Variants in FRMPD4 observed in about 807,000 individuals in gnomAD.
FRMPD4 encodes FERM and PDZ domain-containing protein 4.
A neutral mutation model predicts 94.1 loss-of-function variants in FRMPD4; 22 were observed. The observed-to-expected ratio is 0.23, with a 90% CI of 0.17 to 0.33. The LOEUF is 0.33. FRMPD4 is among the 10% of genes least tolerant of loss of function. FRMPD4 has a pLI of 1.00. For missense variants in FRMPD4, 1,111 were observed against 1,339.9 expected, an observed-to-expected ratio of 0.83 and a Z score of 2.67; for synonymous variants, 631 against 548.6, an observed-to-expected ratio of 1.15 and a Z score of -2.10.
At chrX:12,681,944 C>G (rs2059977202) in intron 5 of FRMPD4, among the ~76,000 whole-genome samples, 1 of 111,452 alleles carries the variant, frequency 9.0e-6, no homozygotes, top group South Asian at 3.8e-4. Context: ...TTAAGCATCA[C>G]TCCTCATTCC....
chrX:11,875,776 C>T (rs2053779601), intron 2 of FRMPD4, among the ~76,000 whole-genome samples: 1 of 110,964 alleles, frequency 9.0e-6, no homozygotes, highest in Non-Finnish European at 1.9e-5. Context: ...CAGTCACTGA[C>T]CCCCCTACAC....
Position 12,724,238 on chromosome X carries a change from C to A in FRMPD4, c.*2380C>A, listed in dbSNP as rs1338706970. 1 of 111,426 alleles carries A rather than the reference C, an allele frequency of 9.0e-6. No individual in the cohort carries two copies. The highest frequency in any genetic ancestry group is 1.9e-5 in the Non-Finnish European group (1 of 53,073). 9.2% of individuals were successfully genotyped at this position (111,426 alleles called of 1,213,427 possible). On this transcript the variant is annotated 3_prime_UTR_variant, in exon 17 of 17. Coordinates refer to ENST00000675598, the MANE Select transcript of FRMPD4 (RefSeq NM_001368397.1). ...TCTTTGAGAAGCCTCAGGGAAGTAG[C>A]TCTGGGTCCTTCTAATCAACCTCCC...
chrX:12,069,933 G>A (rs1161340025), intron 3 of FRMPD4, among the ~76,000 whole-genome samples: 1 of 111,823 alleles, frequency 8.9e-6, no homozygotes, highest in African/African-American at 3.3e-5. Flanking sequence ...AAAACGACCT[G>A]ATGGCAGTAG....
chrX:12,512,761 T>C, intron 2 of FRMPD4, among the ~76,000 whole-genome samples: 1 of 112,500 alleles, frequency 8.9e-6, no homozygotes, highest in Middle Eastern at 4.6e-3. Flanking sequence ...CTGAGTCAAA[T>C]GGTATTTCTG....
intron 1 of FRMPD4, among the ~76,000 whole-genome samples, chrX:12,421,788 T>TG (rs58028553): frequency 0.053 from 4,993 of 94,597 alleles, 382 homozygotes; most frequent in African/African-American, 0.18. Flanking sequence ...AAAAAAAAGC[T>TG]GGGGGGGCAG....
At chrX:12,537,698 G>A (rs1393854733) in intron 2 of FRMPD4, among the ~76,000 whole-genome samples, 5 of 108,060 alleles carry the variant, frequency 4.6e-5, no homozygotes, top group Admixed American at 1.0e-4. Flanking sequence ...GCAATTCCCC[G>A]CCGCATCCCC....
chrX:12,325,756 A>T (rs1279483024), intron 1 of FRMPD4, among the ~76,000 whole-genome samples: 1 of 112,267 alleles, frequency 8.9e-6, no homozygotes, highest in Non-Finnish European at 1.9e-5. Context: ...CACCTCAGAC[A>T]TACTGAAGTA....
chrX:12,338,713 G>A (rs1382555401), intron 1 of FRMPD4, among the ~76,000 whole-genome samples: 8 of 112,492 alleles, frequency 7.1e-5, no homozygotes, highest in Non-Finnish European at 1.5e-4. Context: ...CAAACAGTTG[G>A]TGCAGTATTT....
chrX:11,975,330 A>G (rs961413137), intron 3 of FRMPD4, among the ~76,000 whole-genome samples: 2 of 112,577 alleles, frequency 1.8e-5, no homozygotes, highest in Non-Finnish European at 3.7e-5. Flanking sequence ...CTGCAATCAG[A>G]CACACTGGGG....
At chrX:12,144,007 T>G (rs5935245) in intron 1 of FRMPD4, among the ~76,000 whole-genome samples, 53,647 of 110,441 alleles carry the variant, frequency 0.49, 10,758 homozygotes, top group East Asian at 0.82. Context: ...GTTCAAAATG[T>G]ATGGAAAAAG....
rs561703819 is a variant in FRMPD4, at chrX:11,858,685, G to T, written c.-160-6401G>T. Among the ~76,000 whole-genome samples the T allele has an allele frequency of 2.7e-5, 3 of 110,883 alleles. No individual in the cohort carries two copies. The South Asian group carries it at 1.2e-3, about 43-fold the overall frequency. ...TTAGTTATATAACAAACCTACACTT[G>T]TACCCCTGAACTTAAAAGTTAAGAA... On this transcript the variant is annotated intron_variant, in intron 1 of 18. Coordinates refer to the FRMPD4 transcript ENST00000640291.
intron 4 of FRMPD4, among the ~76,000 whole-genome samples, chrX:12,632,067 T>C (rs986496784): frequency 8.9e-6 from 1 of 111,935 alleles, no homozygotes; most frequent in Non-Finnish European, 1.9e-5. Flanking sequence ...GAGTTATATT[T>C]ATGCATTATG....
intron 2 of FRMPD4, among the ~76,000 whole-genome samples, chrX:12,532,145 A>C (rs762507181): frequency 5.3e-5 from 6 of 112,256 alleles, no homozygotes; most frequent in African/African-American, 1.6e-4. Flanking sequence ...TTTCACTAGA[A>C]ACAAGGCAGC....
intron 4 of FRMPD4, among the ~76,000 whole-genome samples, chrX:12,634,057 A>G (rs1217863059): frequency 1.8e-5 from 2 of 112,559 alleles, no homozygotes; most frequent in Non-Finnish European, 3.7e-5. Context: ...TCACTTTTGT[A>G]TCAACCTCTT....
intron 3 of FRMPD4, among the ~76,000 whole-genome samples, chrX:11,887,791 G>A (rs745819548): frequency 2.7e-5 from 3 of 111,471 alleles, no homozygotes; most frequent in Non-Finnish European, 5.7e-5. Context: ...ATTTTTGGTT[G>A]GAACTTTCAT....
chrX:12,265,842 A>G (rs1159665359), intron 1 of FRMPD4, among the ~76,000 whole-genome samples: 1 of 110,490 alleles, frequency 9.1e-6, no homozygotes, highest in Non-Finnish European at 1.9e-5. Flanking sequence ...TTTAAAACAA[A>G]CAAAAGCCGG....
At position 12,213,765 on chromosome X, in the gene FRMPD4, A is replaced by T. The variant is rs773341582; in HGVS notation, c.41+74753A>T. Among the ~76,000 whole-genome samples, 5 of 112,039 alleles carry T rather than the reference A, an allele frequency of 4.5e-5. No individual in the cohort carries two copies. In the South Asian group the frequency reaches 1.9e-3, roughly 41 times the overall value. On this transcript the variant is annotated intron_variant, in intron 1 of 16. Coordinates refer to ENST00000675598, the MANE Select transcript of FRMPD4 (RefSeq NM_001368397.1). ...ATCTTTGGATGCTTTCTTTACTTTG[A>T]TCTGTGTAAATGAGAAAGGATAAAA... is the stretch of plus-strand genomic sequence containing the variant.
At chrX:12,291,095 T>A (rs4433334) in intron 1 of FRMPD4, among the ~76,000 whole-genome samples, 24,481 of 110,213 alleles carry the variant, frequency 0.22, 2,205 homozygotes, top group East Asian at 0.37. Flanking sequence ...CCTGGTTGGG[T>A]AAAAAAATAA....
intron 3 of FRMPD4, among the ~76,000 whole-genome samples, chrX:12,040,323 TA>T (rs2054746151): frequency 9.3e-6 from 1 of 107,904 alleles, no homozygotes; most frequent in African/African-American, 3.4e-5. Flanking sequence ...TTTTTTGTCT[TA>T]AAATCTGTCT....
Sources: allele counts gnomAD v4.1 joint callset (sites outside exome capture counted in the v4.1 genomes callset), GRCh38; gene constraint gnomAD v4.1.1; transcripts MANE v1.5; gene names NCBI Gene and HGNC (gene_info 2026-07-23, HGNC 2026-07-21).